LMX1A: variants seen among roughly 807,000 people sequenced by gnomAD.
LMX1A encodes the protein LIM homeobox transcription factor 1-alpha.
In LMX1A, 15 loss-of-function variants were observed where a neutral mutation model predicts 49.1. That is an observed-to-expected ratio of 0.31 (90% CI 0.20 to 0.47). LMX1A has a LOEUF of 0.47. Among genes scored for constraint, LMX1A ranks in the 20% least tolerant of loss-of-function variants. The pLI is 1.00. For synonymous variants in LMX1A, 167 were observed against 185.7 expected, an observed-to-expected ratio of 0.90 and a Z score of 0.82; for missense variants, 372 against 475.8, an observed-to-expected ratio of 0.78 and a Z score of 2.03.
chr1:165,338,726 A>T (rs1335259307), intron 3 of LMX1A, among the ~76,000 whole-genome samples: 1 of 152,248 alleles, frequency 6.6e-6, no homozygotes, highest in Non-Finnish European at 1.5e-5. Context: ...GATATCAAAT[A>T]ACCTGTCACT....
At chr1:165,315,156 T>C (rs1655183034) in intron 3 of LMX1A, among the ~76,000 whole-genome samples, 2 of 152,360 alleles carry the variant, frequency 1.3e-5, no homozygotes. Context: ...CCTTTCATTC[T>C]GTTCTCTACC....
chr1:165,266,099 G>A (rs890695963), intron 3 of LMX1A, among the ~76,000 whole-genome samples: 1 of 152,174 alleles, frequency 6.6e-6, no homozygotes, highest in Non-Finnish European at 1.5e-5. Context: ...AAACACACTA[G>A]GGGAAAATCC....
At chr1:165,341,140 G>A (rs990497361) in intron 3 of LMX1A, among the ~76,000 whole-genome samples, 1 of 152,118 alleles carries the variant, frequency 6.6e-6, no homozygotes, top group Admixed American at 6.5e-5. Context: ...ACTAACCACA[G>A]TATGAAACTG....
At chr1:165,239,284 GGACAATGCATT>G (rs2102628141) in intron 4 of LMX1A, among the ~76,000 whole-genome samples, 1 of 152,238 alleles carries the variant, frequency 6.6e-6, no homozygotes, top group Non-Finnish European at 1.5e-5. Flanking sequence ...AATGTAAAAA[GGACAATGCATT>G]GTCTGAACCT....
At chr1:165,242,929 C>CA (rs35937155) in intron 4 of LMX1A, among the ~76,000 whole-genome samples, 10,970 of 113,600 alleles carry the variant, frequency 0.097, 493 homozygotes, top group Middle Eastern at 0.12. Flanking sequence ...AACTCCACCT[C>CA]AAAAAAAAAA....
intron 3 of LMX1A, among the ~76,000 whole-genome samples, chr1:165,268,548 T>C (rs537658502): frequency 6.6e-6 from 1 of 152,286 alleles, no homozygotes; most frequent in Admixed American, 6.5e-5. Context: ...TATGTACACA[T>C]AGTAAGTAAG....
chr1:165,274,793 G>A (rs1214731662), intron 3 of LMX1A, among the ~76,000 whole-genome samples: 1 of 152,124 alleles, frequency 6.6e-6, no homozygotes, highest in Non-Finnish European at 1.5e-5. Context: ...AAACACTGGT[G>A]GGAACCCATT....
chr1:165,214,905 C>T (rs564706873), intron 4 of LMX1A, among the ~76,000 whole-genome samples: 39 of 152,276 alleles, frequency 2.6e-4, no homozygotes, highest in African/African-American at 7.2e-4. Flanking sequence ...CTCTAGTATA[C>T]GTCACTTTTT....
At chr1:165,301,932 A>G (rs1654787788) in intron 3 of LMX1A, among the ~76,000 whole-genome samples, 1 of 152,012 alleles carries the variant, frequency 6.6e-6, no homozygotes, top group Non-Finnish European at 1.5e-5. Context: ...GGGAATATCA[A>G]CTCATAGAAT....
chr1:165,232,663 A>T (rs1652277391), intron 4 of LMX1A, among the ~76,000 whole-genome samples: 1 of 152,224 alleles, frequency 6.6e-6, no homozygotes, highest in South Asian at 2.1e-4. Flanking sequence ...CTTCATACAC[A>T]CAGATCCAAA....
chr1:165,352,069 T>C (rs917296052), intron 3 of LMX1A, among the ~76,000 whole-genome samples: 5 of 152,138 alleles, frequency 3.3e-5, no homozygotes, highest in Non-Finnish European at 5.9e-5. Flanking sequence ...TCTTCAATCA[T>C]CTCCAAAGCC....
chr1:165,321,178 T>C (rs769682530), intron 3 of LMX1A, among the ~76,000 whole-genome samples: 8 of 152,176 alleles, frequency 5.3e-5, no homozygotes, highest in Non-Finnish European at 1.0e-4. Flanking sequence ...TTATGTGAAA[T>C]GTCCACAATA....
intron 3 of LMX1A, among the ~76,000 whole-genome samples, chr1:165,311,369 G>C (rs1002272518): frequency 6.6e-6 from 1 of 152,186 alleles, no homozygotes; most frequent in Admixed American, 6.5e-5. Flanking sequence ...GTGACAAGAA[G>C]CCTCCTCTCA....
In LMX1A at chr1:165,278,595, A is replaced by G. The variant is rs1654042760; in HGVS notation, c.264-28955T>C. 3.3e-5 allele frequency among the ~76,000 whole-genome samples: 5 copies of G among 151,968 alleles called. No homozygotes were observed. In the South Asian group the frequency reaches 1.0e-3, roughly 32 times the overall value. ...TTCCCCATCCTCCCTCTTCACCTGC[A>G]GTCTTTCTGAACCTCACTTGCTCCA... On this transcript the variant is annotated intron_variant, in intron 3 of 8. Transcript: ENST00000342310.
At chr1:165,238,173 T>G (rs1233757242) in intron 4 of LMX1A, among the ~76,000 whole-genome samples, 1 of 152,218 alleles carries the variant, frequency 6.6e-6, no homozygotes, top group African/African-American at 2.4e-5. Context: ...AGTACAATTG[T>G]AAAAGATGGT....
At chr1:165,211,105 A>G (rs938506407) in intron 5 of LMX1A, 1 of 201,560 alleles carries the variant, frequency 5.0e-6, no homozygotes, top group African/African-American at 2.3e-5. Flanking sequence ...TAAGCCATGC[A>G]TATGCATTGA....
At chr1:165,307,568 C>T (rs1054172293) in intron 3 of LMX1A, among the ~76,000 whole-genome samples, 6 of 152,340 alleles carry the variant, frequency 3.9e-5, no homozygotes, top group Admixed American at 2.6e-4. Context: ...AGAAGGGATT[C>T]TGGGAGGTGT....
intron 4 of LMX1A, among the ~76,000 whole-genome samples, chr1:165,226,510 T>A (rs976789961): frequency 6.6e-6 from 1 of 152,120 alleles, no homozygotes; most frequent in African/African-American, 2.4e-5. Context: ...TTCACCTCCA[T>A]CAGTGCCAGT....
intron 3 of LMX1A, among the ~76,000 whole-genome samples, chr1:165,340,478 C>G (rs182314895): frequency 4.0e-4 from 61 of 152,326 alleles, no homozygotes; most frequent in Non-Finnish European, 8.2e-4. Context: ...GAACTCCACT[C>G]ACTCTGATGT....
Sources: allele counts gnomAD v4.1 joint callset (sites outside exome capture counted in the v4.1 genomes callset), GRCh38; gene constraint gnomAD v4.1.1; transcripts MANE v1.5; gene names NCBI Gene and HGNC (gene_info 2026-07-23, HGNC 2026-07-21).